The following SLC66A3 variants were observed in gnomAD, a reference collection of about 807,000 sequenced individuals.
SLC66A3 encodes the protein PQ loop repeat containing 3.
In SLC66A3, 23 loss-of-function variants were observed where a neutral mutation model predicts 25.5. The observed-to-expected ratio is 0.90, with a 90% CI of 0.65 to 1.28. SLC66A3 has a LOEUF of 1.28. Among genes scored for constraint, SLC66A3 ranks in the 50% most tolerant of loss-of-function variants. SLC66A3 has a pLI of 0.00. For synonymous variants in SLC66A3, 108 were observed against 112.6 expected (o/e 0.96, Z 0.26); for missense variants, 246 against 262.1 (o/e 0.94, Z 0.42).
chr2:11,169,024 ATT>A (rs993207685), intron 4 of SLC66A3, among the ~76,000 whole-genome samples: 1 of 151,802 alleles, frequency 6.6e-6, no homozygotes, highest in African/African-American at 2.4e-5. Flanking sequence ...CGCCTGGCTA[ATT>A]TTTATATTTT....
At chr2:11,175,424 G>A (rs964428248) in intron 6 of SLC66A3, among the ~76,000 whole-genome samples, 1 of 152,228 alleles carries the variant, frequency 6.6e-6, no homozygotes, top group Non-Finnish European at 1.5e-5. Flanking sequence ...TAGAGGTTTA[G>A]CCAGAGGAAA....
chr2:11,165,401 T>C (rs1228243924), intron 4 of SLC66A3, among the ~76,000 whole-genome samples: 15 of 136,322 alleles, frequency 1.1e-4, no homozygotes, highest in Admixed American at 7.3e-4. Context: ...CGGGAAGAGG[T>C]GCTCCTCACT....
rs1026998788 is a variant in SLC66A3 at position 11,168,077 on chromosome 2, A to G, written c.354+3816A>G. 8.5e-5 allele frequency among the ~76,000 whole-genome samples: 13 copies of G among 152,156 alleles called. 1 individual carries two copies. Among genetic ancestry groups the G allele is most frequent in the Admixed American group, 5.2e-4 (8 of 15,272 alleles). ...GGGCGGATCACAAGGTCAGGAGATC[A>G]AGACCATCCTGGCTAACACGGTGAA... On this transcript the variant is annotated intron_variant, in intron 4 of 6. Transcript: ENST00000295083.
At chr2:11,157,120 T>C (rs1661934309) in intron 1 of SLC66A3, among the ~76,000 whole-genome samples, 1 of 152,196 alleles carries the variant, frequency 6.6e-6, no homozygotes, top group Admixed American at 6.5e-5. Flanking sequence ...TCCACCACTT[T>C]TGCAGCATTG....
chr2:11,171,872 T>C, intron 4 of SLC66A3, 53 bp from the exon 5 acceptor site: 2 of 1,606,176 alleles, frequency 1.2e-6, no homozygotes, highest in South Asian at 1.1e-5. Context: ...CTGGCCTCTT[T>C]TGCTTTTTTA....
chr2:11,161,943 G>A (rs1193560191), intron 3 of SLC66A3, among the ~76,000 whole-genome samples: 1 of 152,218 alleles, frequency 6.6e-6, no homozygotes, highest in African/African-American at 2.4e-5. Context: ...CAGGCCTGTG[G>A]CCCGCAGGCC....
chr2:11,176,117 C>T (rs1662729723), intron 6 of SLC66A3, among the ~76,000 whole-genome samples: 2 of 152,174 alleles, frequency 1.3e-5, no homozygotes, highest in South Asian at 2.1e-4. Flanking sequence ...AAAACCTATA[C>T]ATTAGAAATT....
Position 11,160,559 on chromosome 2 carries a change from C to T in SLC66A3, c.226+11C>T, listed in dbSNP as rs749872420. The T allele has an allele frequency of 1.2e-6, 2 of 1,614,068 alleles. No individual in the cohort carries two copies. The highest frequency in any genetic ancestry group is 2.7e-5 in the African/African-American group (2 of 74,922). On this transcript the variant is annotated intron_variant, in intron 2 of 6. Transcript: ENST00000295083. Reference sequence around the variant, plus strand: ...TCCTCATCGCGCAAGGTAACAGCCCCTTCCCTGTCCAGCGGACTGCCACGG... The same window carrying T: ...TCCTCATCGCGCAAGGTAACAGCCCTTTCCCTGTCCAGCGGACTGCCACGG...
rs534874582 is a variant in SLC66A3, at chr2:11,164,273, G to C, written c.354+12G>C. The C allele has an allele frequency of 6.7e-7, 1 of 1,487,502 alleles. No individual in the cohort carries two copies. The highest frequency in any genetic ancestry group is 1.5e-5 in the African/African-American group (1 of 68,694). The allele number at this position is 1,487,502 out of a possible 1,614,324, so 92.1% of individuals were successfully genotyped here. A position where few individuals can be genotyped will look rare whatever the true frequency, so the allele number is the denominator to read the frequency against. The stretch of plus-strand genomic sequence containing the variant: ...TAGACCTGGCCATGGTAAGTATTAT[G>C]CTTGAAAAGAAAGTAGGAGGAATAA... On this transcript the variant is annotated intron_variant, in intron 4 of 6. Transcript: ENST00000295083.
Position 11,164,220 on chromosome 2 carries a change from T to G in SLC66A3, c.313T>G (p.Phe105Val). The change falls in exon 4 of 7, where the codon TTC (phenylalanine) becomes GTC (valine). Residue 105 changes from phenylalanine to valine, a missense_variant. Coordinates refer to ENST00000295083, the MANE Select transcript of SLC66A3 (RefSeq NM_152391.5). Reference protein sequence around the residue: ...PYIAVLVSSWFILALQKWIID... With the variant: ...PYIAVLVSSWVILALQKWIID... ...CTTGGTAAGATTGGTGTCTTCTTGG[T>G]TCATCCTTGCCCTGCAGAAGTGGAT... is the stretch of plus-strand genomic sequence containing the variant. The G allele has an allele frequency of 1.3e-6, 2 of 1,581,416 alleles. No homozygotes were observed. Among genetic ancestry groups the G allele is most frequent in the Non-Finnish European group, 8.6e-7 (1 of 1,166,002 alleles).
intron 4 of SLC66A3, among the ~76,000 whole-genome samples, chr2:11,166,745 A>T (rs1032016206): frequency 6.6e-6 from 1 of 152,036 alleles, no homozygotes; most frequent in African/African-American, 2.4e-5. Flanking sequence ...AAATACAAAA[A>T]TTAGCCATGC....
Position 11,178,396 on chromosome 2 carries a change from GGC to G in SLC66A3, c.*569_*570del, listed in dbSNP as rs1662844601. 1 of 152,714 alleles carries G rather than the reference GGC, an allele frequency of 6.5e-6. No homozygotes were observed. The highest frequency in any genetic ancestry group is 2.4e-5 in the African/African-American group (1 of 41,458). 9.5% of individuals were successfully genotyped at this position (152,714 alleles called of 1,614,324 possible). Reference sequence around the variant, plus strand: ...TACCAAGGCAAGCATACATGTAGCTGGCTTGAGTTTGTACCAAAACAGTCCTT... The same window carrying G: ...TACCAAGGCAAGCATACATGTAGCTGTTGAGTTTGTACCAAAACAGTCCTT... On this transcript the variant is annotated 3_prime_UTR_variant, in exon 7 of 7. Transcript: ENST00000295083.
chr2:11,174,972 A>G lies in SLC66A3; in HGVS notation c.480A>G (p.Arg160=). 6.2e-7 allele frequency: 1 copy of G among 1,608,146 alleles called. No individual in the cohort carries two copies. Among genetic ancestry groups the G allele is most frequent in the East Asian group, 2.2e-5 (1 of 44,698 alleles). ...GCTGCAAGTTTTCTTTTACAGCAAG[A>G]ATAATCACAACCTTAATGACCACCA... ...WSLSSYTCAT[R]IITTLMTTND... The change falls in exon 6 of 7, where the codon AGA becomes AGG. Residue 160 remains arginine, a synonymous_variant. Transcript: ENST00000295083.
chr2:11,172,850 G>A, intron 5 of SLC66A3: 1 of 295,056 alleles, frequency 3.4e-6, no homozygotes, highest in South Asian at 2.6e-5. Flanking sequence ...ACCACACCTG[G>A]CTAATTTTTA....
At chr2:11,171,843 C>T in intron 4 of SLC66A3, 82 bp from the exon 5 acceptor site, 2 of 1,477,914 alleles carry the variant, frequency 1.4e-6, no homozygotes, top group Non-Finnish European at 9.3e-7. Context: ...GCTGGAATTA[C>T]AGGTGTGAGC....
chr2:11,177,698 G>C, intron 6 of SLC66A3, 39 bp from the exon 7 acceptor site: 1 of 1,374,142 alleles, frequency 7.3e-7, no homozygotes, highest in Non-Finnish European at 1.0e-6. Flanking sequence ...GGTCTGTATT[G>C]TAAAGACAGT....
chr2:11,171,745 T>G (rs1255694614), intron 4 of SLC66A3, among the ~76,000 whole-genome samples, 180 bp from the exon 5 acceptor site: 1 of 152,092 alleles, frequency 6.6e-6, no homozygotes, highest in Non-Finnish European at 1.5e-5. Context: ...ATTTTTTGTA[T>G]TTTTAGTAGA....
rs201624526 is a variant in SLC66A3, at chr2:11,160,547, A to C, written c.225A>C (p.Gln75His). The change falls in exon 2 of 7, where the codon CAA (glutamine) becomes CAC (histidine). Residue 75 changes from glutamine (Q) to histidine (H), a missense_variant and splice_region_variant. Physicochemically the swap from Gln to His is conservative, Grantham distance 24. Around this residue, in one of 3 missense-constraint regions of SLC66A3, gnomAD observed 142 missense variants for 130.3 expected, o/e 1.09. Coordinates refer to ENST00000295083, the MANE Select transcript of SLC66A3 (RefSeq NM_152391.5). ...TGGAGTACCCCATCCTCATCGCGCA[A>C]GGTAACAGCCCCTTCCCTGTCCAGC... ...TYLEYPILIA[Q>H]DVILLLCIFH... 35 of 1,614,080 alleles carry C rather than the reference A, an allele frequency of 2.2e-5. No homozygotes were observed. In the East Asian group the frequency reaches 7.1e-4, roughly 33 times the overall value.
At chr2:11,165,061 C>T (rs963525436) in intron 4 of SLC66A3, among the ~76,000 whole-genome samples, 88 of 152,308 alleles carry the variant, frequency 5.8e-4, no homozygotes, top group African/African-American at 1.8e-3. Flanking sequence ...ACCTCCCAGA[C>T]GGGGTGGCGG....
Sources: gnomAD v4.1 joint callset for allele counts (sites outside exome capture counted in the v4.1 genomes callset) on GRCh38, gnomAD v4.1.1 for gene constraint, gnomAD v4.1.1 regional missense constraint, MANE v1.5 for transcripts, NCBI Gene and HGNC (gene_info 2026-07-23, HGNC 2026-07-21) for gene names.